The following FAM83A variants were observed in gnomAD, a reference collection of about 807,000 sequenced individuals.
The protein encoded by FAM83A is scaffolding CK1 anchoring protein A.
FAM83A carries 21 observed loss-of-function variants against 24.4 expected under a neutral mutation model. The observed-to-expected ratio is 0.86, with a 90% CI of 0.61 to 1.24. The LOEUF is 1.24. Among genes scored for constraint, FAM83A ranks in the 50% most tolerant of loss-of-function variants. The pLI is 0.00. For missense variants in FAM83A, 617 were observed against 579.8 expected (o/e 1.06, Z -0.66); for synonymous variants, 270 against 252.4 (o/e 1.07, Z -0.66).
chr8:123,194,258 G>T, intron 3 of FAM83A, 110 bp downstream of exon 3: 1 of 1,477,482 alleles, frequency 6.8e-7, no homozygotes, highest in Non-Finnish European at 9.2e-7. Flanking sequence ...GCTCCCAGAA[G>T]GTCTCCCTCT....
exon 1 of FAM83A, chr8:123,183,107 C>G: frequency 6.2e-7 from 1 of 1,613,972 alleles, no homozygotes; most frequent in Non-Finnish European, 8.5e-7. Flanking sequence ...CCCCCAGACA[C>G]CCTGGGAGGG....
At chr8:123,191,881 G>C (rs1006489166) in exon 2 of FAM83A, 1 of 1,614,198 alleles carries the variant, frequency 6.2e-7, no homozygotes, top group Admixed American at 1.7e-5. Context: ...CAAGCGTGGG[G>C]TGTTCGTTTG....
At chr8:123,204,371 T>C (rs1282120948) in intron 3 of FAM83A, among the ~76,000 whole-genome samples, 1 of 152,142 alleles carries the variant, frequency 6.6e-6, no homozygotes, top group Non-Finnish European at 1.5e-5. Flanking sequence ...GTTAAATAAG[T>C]GAAAATGGGT....
upstream of FAM83A, chr8:123,179,308 G>A (rs1405638356): frequency 6.6e-6 from 1 of 152,094 alleles, no homozygotes; most frequent in African/African-American, 2.4e-5. Context: ...CATTATCATG[G>A]GAGCGGGTTT....
chr8:123,199,584 AT>A (rs1428480940), intron 3 of FAM83A, among the ~76,000 whole-genome samples: 1 of 152,118 alleles, frequency 6.6e-6, no homozygotes, highest in Non-Finnish European at 1.5e-5. Flanking sequence ...AAAATACAAA[AT>A]TAGCCATGTG....
At chr8:123,180,992 A>G (rs180843848), upstream of FAM83A, among the ~76,000 whole-genome samples, 838 of 152,242 alleles carry the variant, frequency 5.5e-3, 8 homozygotes, top group African/African-American at 0.019. Flanking sequence ...TGCCCAGGCT[A>G]CAGTGCAATG....
At chr8:123,187,975 C>T (rs1823859344) in intron 1 of FAM83A, among the ~76,000 whole-genome samples, 1 of 152,086 alleles carries the variant, frequency 6.6e-6, no homozygotes, top group South Asian at 2.1e-4. Context: ...ATTCTTGTGC[C>T]TCAGCCTCCC....
chr8:123,196,558 T>C (rs1824162653), intron 3 of FAM83A, among the ~76,000 whole-genome samples: 1 of 152,218 alleles, frequency 6.6e-6, no homozygotes, highest in African/African-American at 2.4e-5. Context: ...CTCTTTTCTT[T>C]TAATGGGACT....
At chr8:123,205,684 C>T (rs996913872) in intron 3 of FAM83A, among the ~76,000 whole-genome samples, 1 of 151,924 alleles carries the variant, frequency 6.6e-6, no homozygotes, top group Non-Finnish European at 1.5e-5. Flanking sequence ...ACCATTCCCC[C>T]GACCATCCTC....
Sources: gnomAD v4.1 joint callset for allele counts (sites outside exome capture counted in the v4.1 genomes callset) on GRCh38, gnomAD v4.1.1 for gene constraint, MANE v1.5 for transcripts, NCBI Gene and HGNC (gene_info 2026-07-23, HGNC 2026-07-21) for gene names.